Variants in TLCD4 observed in about 807,000 individuals in gnomAD.
TLCD4 encodes TLC domain containing 4.
In TLCD4, 7 loss-of-function variants were observed where a neutral mutation model predicts 24.2. That is an observed-to-expected ratio of 0.29 (90% CI 0.16 to 0.54). The LOEUF (loss-of-function observed/expected upper bound fraction) is 0.54. Among genes scored for constraint, TLCD4 ranks in the 20% least tolerant of loss-of-function variants. TLCD4 has a pLI of 0.95. For missense variants in TLCD4, 259 were observed against 313.9 expected (o/e 0.82, Z 1.32); for synonymous variants, 103 against 106.4 (o/e 0.97, Z 0.20).
At chr1:95,167,849 T>G (rs1270809291) in intron 5 of TLCD4, among the ~76,000 whole-genome samples, 1 of 152,206 alleles carries the variant, frequency 6.6e-6, no homozygotes, top group East Asian at 1.9e-4. Flanking sequence ...ACCTGTTTCT[T>G]TGTTTGATCA....
intron 6 of TLCD4, among the ~76,000 whole-genome samples, chr1:95,188,403 A>AAG (rs1678907646): frequency 6.6e-6 from 1 of 151,716 alleles, no homozygotes; most frequent in South Asian, 2.1e-4. Context: ...AAAAAAAAAA[A>AAG]AAAAAAGAAT....
chr1:95,109,897 CATA>C, the TLCD4 span, among the ~76,000 whole-genome samples: 1 of 136,752 alleles, frequency 7.3e-6, no homozygotes, highest in Non-Finnish European at 1.5e-5. Flanking sequence ...ACTACATACA[CATA>C]ATGTGTGTAT....
intron 5 of TLCD4, among the ~76,000 whole-genome samples, chr1:95,162,937 T>C (rs1244775865): frequency 1.3e-5 from 2 of 152,204 alleles, no homozygotes; most frequent in Non-Finnish European, 2.9e-5. Flanking sequence ...CCTTAACATT[T>C]TTTCCTTCAT....
At chr1:95,189,242 A>G (rs1678941213) in intron 6 of TLCD4, among the ~76,000 whole-genome samples, 1 of 152,136 alleles carries the variant, frequency 6.6e-6, no homozygotes, top group Non-Finnish European at 1.5e-5. Flanking sequence ...GCCTGTATAC[A>G]GTTTCTTTTG....
chr1:95,176,066 G>A (rs548318885), intron 6 of TLCD4, among the ~76,000 whole-genome samples: 170 of 152,128 alleles, frequency 1.1e-3, no homozygotes, highest in African/African-American at 3.9e-3. Context: ...TTGAGCCACC[G>A]TGCCTGGCTG....
At chr1:95,151,876 G>A (rs1677503800) in intron 5 of TLCD4, among the ~76,000 whole-genome samples, 2 of 152,188 alleles carry the variant, frequency 1.3e-5, no homozygotes, top group South Asian at 2.1e-4. Flanking sequence ...AGAATTCCAA[G>A]ACCAAGGTTA....
intron 6 of TLCD4, among the ~76,000 whole-genome samples, chr1:95,186,263 A>T (rs569013660): frequency 1.3e-5 from 2 of 152,322 alleles, no homozygotes; most frequent in East Asian, 3.9e-4. Context: ...CAGTTGCTCC[A>T]TGGCAGAACC....
At chr1:95,100,339 C>G in the TLCD4 span, among the ~76,000 whole-genome samples, 2 of 152,190 alleles carry the variant, frequency 1.3e-5, no homozygotes, top group Non-Finnish European at 2.9e-5. Context: ...CTTTGGGAGG[C>G]TGAGGCAGGC....
At position 95,196,264 on chromosome 1, in the gene TLCD4, T is replaced by C. The variant is rs2101036583; in HGVS notation, c.*4396T>C. 6.6e-6 allele frequency: 1 copy of C among 152,336 alleles called. No individual in the cohort carries two copies. The highest frequency in any genetic ancestry group is 1.9e-4 in the East Asian group (1 of 5,192). 9.4% of individuals were successfully genotyped at this position (152,336 alleles called of 1,614,324 possible). On this transcript the variant is annotated 3_prime_UTR_variant, in exon 7 of 7. Coordinates refer to ENST00000370203, the MANE Select transcript of TLCD4 (RefSeq NM_152487.3). ...TTGTAAATTATCTAAATGTTCTTTTTAGACCCCATGACAGGAGCACAGAGG... is the reference window on the plus strand; with the variant it reads ...TTGTAAATTATCTAAATGTTCTTTTCAGACCCCATGACAGGAGCACAGAGG...
chr1:95,098,161 G>C, the TLCD4 span, among the ~76,000 whole-genome samples: 4 of 152,112 alleles, frequency 2.6e-5, no homozygotes, highest in African/African-American at 9.7e-5. Flanking sequence ...TCATTTTAGA[G>C]ATGAGAAGAT....
chr1:95,113,360 T>C (rs1029648091), upstream of TLCD4, among the ~76,000 whole-genome samples: 5 of 152,176 alleles, frequency 3.3e-5, no homozygotes, highest in African/African-American at 9.7e-5. Context: ...ATTGTTGATT[T>C]GAGTGAACAT....
chr1:95,185,806 G>A (rs978632834), intron 6 of TLCD4, among the ~76,000 whole-genome samples: 36 of 152,178 alleles, frequency 2.4e-4, no homozygotes, highest in African/African-American at 8.4e-4. Context: ...TCAACAATCA[G>A]GTGTTTGGGC....
the TLCD4 span, among the ~76,000 whole-genome samples, chr1:95,111,661 C>T: frequency 1.8e-3 from 269 of 152,324 alleles, no homozygotes; most frequent in African/African-American, 6.2e-3. Flanking sequence ...AACCTCAGTG[C>T]TTGGAGGAAA....
the TLCD4 span, among the ~76,000 whole-genome samples, chr1:95,104,460 C>T: frequency 2.9e-3 from 447 of 151,686 alleles, 2 homozygotes; most frequent in Non-Finnish European, 4.3e-3. Context: ...GTCAGGAGAT[C>T]GAGACCATGC....
At chr1:95,153,332 T>G (rs1363490498) in intron 5 of TLCD4, among the ~76,000 whole-genome samples, 1 of 152,118 alleles carries the variant, frequency 6.6e-6, no homozygotes, top group Non-Finnish European at 1.5e-5. Context: ...AATAAAAATG[T>G]TAAAGCAAGC....
chr1:95,146,650 A>G (rs1334029259), intron 2 of TLCD4, among the ~76,000 whole-genome samples: 1 of 152,142 alleles, frequency 6.6e-6, no homozygotes, highest in Non-Finnish European at 1.5e-5. Context: ...TTAAATAATA[A>G]AATATAAAAT....
chr1:95,166,739 G>GT (rs1167744743), intron 5 of TLCD4, among the ~76,000 whole-genome samples: 2 of 151,924 alleles, frequency 1.3e-5, no homozygotes, highest in Non-Finnish European at 2.9e-5. Context: ...TTGTTCAGTT[G>GT]TTTTTTTAGA....
At chr1:95,109,137 G>A in the TLCD4 span, among the ~76,000 whole-genome samples, 1 of 152,104 alleles carries the variant, frequency 6.6e-6, no homozygotes, top group Non-Finnish European at 1.5e-5. Flanking sequence ...AGACCAGCCT[G>A]GGCAAGAAGG....
intron 1 of TLCD4, among the ~76,000 whole-genome samples, chr1:95,127,317 G>T (rs1016369320): frequency 7.9e-5 from 12 of 152,172 alleles, no homozygotes; most frequent in African/African-American, 2.9e-4. Flanking sequence ...GAAGGCAGCA[G>T]GCAAAGCCCT....
Sources: allele counts gnomAD v4.1 joint callset (sites outside exome capture counted in the v4.1 genomes callset), GRCh38; gene constraint gnomAD v4.1.1; transcripts MANE v1.5; gene names NCBI Gene and HGNC (gene_info 2026-07-23, HGNC 2026-07-21).